LY6S: variants seen among roughly 807,000 people sequenced by gnomAD.
LY6S encodes lymphocyte antigen 6 family member S.
At chr8:143,056,147 TG>T in the LY6S span, among the ~76,000 whole-genome samples, 1 of 149,754 alleles carries the variant, frequency 6.7e-6, no homozygotes, top group East Asian at 2.0e-4. Flanking sequence ...TTTCTGTTTT[TG>T]GTGGTGGGGG....
the LY6S span, among the ~76,000 whole-genome samples, chr8:143,045,024 A>T: frequency 1.3e-5 from 2 of 152,184 alleles, no homozygotes; most frequent in Non-Finnish European, 2.9e-5. The surrounding 1 kb of genome is among the most constrained non-coding windows in gnomAD (Gnocchi z 5.3). Context: ...AGGCACCAGC[A>T]GCCACTGCCC....
chr8:143,070,481 ATATATATATTT>A, the LY6S span, among the ~76,000 whole-genome samples: 5 of 85,464 alleles, frequency 5.9e-5, no homozygotes, highest in African/African-American at 2.2e-4. Flanking sequence ...ATATAAATAT[ATATATATATTT>A]TTTTTTTTTT....
the LY6S span, among the ~76,000 whole-genome samples, chr8:143,048,582 C>T: frequency 5.3e-5 from 8 of 151,894 alleles, no homozygotes; most frequent in Non-Finnish European, 1.2e-4. Context: ...ATTCTCCCGC[C>T]TCAGCCTCCT....
chr8:143,049,917 A>C, the LY6S span, among the ~76,000 whole-genome samples: 1 of 143,444 alleles, frequency 7.0e-6, no homozygotes, highest in Admixed American at 6.8e-5. Flanking sequence ...AAGCAAAAAA[A>C]ACAAAAACTC....
chr8:143,069,375 A>G, the LY6S span, among the ~76,000 whole-genome samples: 4 of 152,230 alleles, frequency 2.6e-5, no homozygotes, highest in East Asian at 1.9e-4. Context: ...TACACTCCTC[A>G]TCCCTCCCTT....
At chr8:143,066,548 C>T in the LY6S span, 1 of 317,204 alleles carries the variant, frequency 3.2e-6, no homozygotes, top group South Asian at 3.4e-5. Context: ...TGGCTGTGGC[C>T]CTTTTTGGCA....
chr8:143,045,173 C>A, the LY6S span, among the ~76,000 whole-genome samples: 2 of 152,182 alleles, frequency 1.3e-5, no homozygotes, highest in Non-Finnish European at 2.9e-5. The surrounding 1 kb of genome is among the most constrained non-coding windows in gnomAD (Gnocchi z 5.3). Context: ...CCCGCCACCC[C>A]CAGCAGGCAC....
the LY6S span, chr8:143,057,203 T>G: frequency 3.2e-6 from 1 of 312,010 alleles, no homozygotes; most frequent in African/African-American, 2.3e-5. Context: ...CGGGACTGGC[T>G]TTGTTTGGCT....
the LY6S span, among the ~76,000 whole-genome samples, chr8:143,061,961 C>G: frequency 9.2e-5 from 14 of 152,144 alleles, no homozygotes; most frequent in African/African-American, 3.4e-4. Context: ...AATGCTGTAC[C>G]AAACACCTGG....
chr8:143,043,004 G>A, the LY6S span: 1 of 1,367,744 alleles, frequency 7.3e-7, no homozygotes, highest in South Asian at 1.1e-5. Flanking sequence ...CTGATCTCAT[G>A]GCTGAAAAGC....
chr8:143,070,409 TATGTATATA>T, the LY6S span, among the ~76,000 whole-genome samples: 5 of 118,638 alleles, frequency 4.2e-5, no homozygotes, highest in African/African-American at 2.0e-4. Flanking sequence ...ATTTTTTATT[TATGTATATA>T]TATTTATATA....
the LY6S span, among the ~76,000 whole-genome samples, chr8:143,073,264 G>A: frequency 2.0e-5 from 3 of 150,306 alleles, no homozygotes; most frequent in East Asian, 2.0e-4. Flanking sequence ...TGTCGTCCTC[G>A]GGGTCCCTGT....
the LY6S span, among the ~76,000 whole-genome samples, chr8:143,071,844 T>G: frequency 2.6e-5 from 4 of 152,140 alleles, no homozygotes; most frequent in African/African-American, 7.2e-5. Flanking sequence ...GGAGTTTCCC[T>G]TAGAAAACTC....
At chr8:143,043,413 C>G in the LY6S span, 1 of 395,718 alleles carries the variant, frequency 2.5e-6, no homozygotes, top group African/African-American at 2.1e-5. Flanking sequence ...GGAGGCTCCG[C>G]ACCCCAACAT....
chr8:143,071,954 T>A, the LY6S span, among the ~76,000 whole-genome samples: 12 of 152,146 alleles, frequency 7.9e-5, no homozygotes, highest in Non-Finnish European at 1.8e-4. Context: ...CACCCCAAAG[T>A]CAACACACCA....
At chr8:143,049,663 G>A in the LY6S span, among the ~76,000 whole-genome samples, 2 of 152,142 alleles carry the variant, frequency 1.3e-5, no homozygotes, top group African/African-American at 2.4e-5. Context: ...AGCATCCCCC[G>A]CACTATCAGA....
At chr8:143,053,266 A>T in the LY6S span, 2 of 152,172 alleles carry the variant, frequency 1.3e-5, no homozygotes, top group South Asian at 4.2e-4. Context: ...GAGCTCACAG[A>T]GGCTCTGAAG....
chr8:143,041,332 G>T, the LY6S span, among the ~76,000 whole-genome samples: 9 of 152,190 alleles, frequency 5.9e-5, no homozygotes, highest in Non-Finnish European at 1.0e-4. Context: ...CTGAGAAAAA[G>T]AATTCAGCGA....
At chr8:143,043,179 G>A in the LY6S span, 1 of 1,367,910 alleles carries the variant, frequency 7.3e-7, no homozygotes, top group Non-Finnish European at 9.8e-7. Context: ...TACGCACAGG[G>A]CCCAGGGGCT....
Sources: allele counts gnomAD v4.1 joint callset (sites outside exome capture counted in the v4.1 genomes callset), GRCh38; gene constraint gnomAD v4.1.1; non-coding constraint Gnocchi (gnomAD v3.1); transcripts MANE v1.5; gene names NCBI Gene and HGNC (gene_info 2026-07-23, HGNC 2026-07-21).